Variants in MID1 observed in about 807,000 individuals in gnomAD.
The protein encoded by MID1 is E3 ubiquitin-protein ligase Midline-1.
MID1 carries 7 observed loss-of-function variants against 40.4 expected under a neutral mutation model. That is an observed-to-expected ratio of 0.17 (90% CI 0.10 to 0.33). MID1 has a LOEUF of 0.33. Among genes scored for constraint, MID1 ranks in the 10% least tolerant of loss-of-function variants. The pLI is 1.00. For missense variants in MID1, 367 were observed against 558.5 expected (o/e 0.66, Z 3.46); for synonymous variants, 229 against 221.2 (o/e 1.04, Z -0.31).
intron 2 of MID1, among the ~76,000 whole-genome samples, chrX:10,565,002 T>G (rs1196272513): frequency 2.6e-5 from 2 of 77,917 alleles, no homozygotes; most frequent in East Asian, 4.0e-4. Flanking sequence ...AAAAAAGGGG[T>G]AAAAAAAAAA....
chrX:10,566,497 T>TTCTCTCTCTCTCTC (rs1281393445), intron 2 of MID1, among the ~76,000 whole-genome samples: 5 of 72,082 alleles, frequency 6.9e-5, no homozygotes, highest in African/African-American at 2.5e-4. Flanking sequence ...TTATCTGTCA[T>TTCTCTCTCTCTCTC]TCTCTCTCTC....
At chrX:10,500,786 T>C (rs755991902) in intron 3 of MID1, among the ~76,000 whole-genome samples, 12 of 112,359 alleles carry the variant, frequency 1.1e-4, no homozygotes, top group African/African-American at 3.6e-4. Flanking sequence ...GAAATCATTG[T>C]GGCTGATGGA....
At chrX:10,717,648 G>T (rs1328382732) in intron 1 of MID1, among the ~76,000 whole-genome samples, 229 of 109,552 alleles carry the variant, frequency 2.1e-3, no homozygotes, top group Non-Finnish European at 3.1e-3. Flanking sequence ...GAGACAGAAA[G>T]TTAACAAGGA....
chrX:10,620,995 C>T (rs918105309), upstream of MID1, among the ~76,000 whole-genome samples: 5 of 111,829 alleles, frequency 4.5e-5, no homozygotes, highest in East Asian at 1.4e-3. Flanking sequence ...TGAGTAACAC[C>T]TTAACTAAAA....
At chrX:10,651,428 G>T (rs1048405054) in intron 1 of MID1, among the ~76,000 whole-genome samples, 1 of 112,048 alleles carries the variant, frequency 8.9e-6, no homozygotes, top group Non-Finnish European at 1.9e-5. Flanking sequence ...TTGAGCTAAG[G>T]TGTTTCTTGC....
At chrX:10,559,830 CAT>C (rs1347071145) in intron 2 of MID1, among the ~76,000 whole-genome samples, 1 of 110,092 alleles carries the variant, frequency 9.1e-6, no homozygotes, top group East Asian at 2.8e-4. Flanking sequence ...TAATTAAACA[CAT>C]ATTAATTTTT....
intron 1 of MID1, among the ~76,000 whole-genome samples, chrX:10,818,779 C>T (rs2044155531): frequency 8.9e-6 from 1 of 112,229 alleles, no homozygotes; most frequent in Non-Finnish European, 1.9e-5. Flanking sequence ...CAGAATACTA[C>T]ACATACTTCT....
intron 1 of MID1, among the ~76,000 whole-genome samples, chrX:10,665,970 C>A (rs2042947583): frequency 9.1e-6 from 1 of 109,474 alleles, no homozygotes; most frequent in Non-Finnish European, 1.9e-5. Context: ...TGGGATGTTT[C>A]TCTTATTCCA....
intron 5 of MID1, chrX:10,475,340 G>T (rs942636840): frequency 7.1e-6 from 2 of 280,268 alleles, no homozygotes; most frequent in South Asian, 3.4e-5. Context: ...TCATTTTCTT[G>T]CACCATATTC....
chrX:10,755,212 CAT>C (rs2043625212), intron 1 of MID1, among the ~76,000 whole-genome samples: 2 of 111,950 alleles, frequency 1.8e-5, no homozygotes, highest in Non-Finnish European at 3.8e-5. Context: ...CCTGTTAAGA[CAT>C]AGAGAAGTAA....
At chrX:10,736,435 AT>A (rs1048384922) in intron 1 of MID1, among the ~76,000 whole-genome samples, 4 of 111,735 alleles carry the variant, frequency 3.6e-5, no homozygotes, top group African/African-American at 1.3e-4. Context: ...CATATGCCAT[AT>A]TTTTTTGTTG....
intron 1 of MID1, among the ~76,000 whole-genome samples, chrX:10,641,581 A>G (rs1271261131): frequency 5.4e-5 from 6 of 112,077 alleles, no homozygotes; most frequent in Non-Finnish European, 9.4e-5. Flanking sequence ...AAATTCTACC[A>G]GAGGTACAAA....
chrX:10,645,112 G>C (rs1234603831), intron 1 of MID1, among the ~76,000 whole-genome samples: 1 of 111,655 alleles, frequency 9.0e-6, no homozygotes, highest in Non-Finnish European at 1.9e-5. Context: ...GGGTCAGGAG[G>C]GCTCTCTTCA....
chrX:10,797,924 T>C (rs1249785455), intron 1 of MID1, among the ~76,000 whole-genome samples: 4 of 112,102 alleles, frequency 3.6e-5, no homozygotes, highest in African/African-American at 1.3e-4. Flanking sequence ...TTATTATCTC[T>C]GTTATTTAAA....
At chrX:10,522,495 T>G (rs1218897919) in intron 3 of MID1, among the ~76,000 whole-genome samples, 1 of 112,319 alleles carries the variant, frequency 8.9e-6, no homozygotes, top group Non-Finnish European at 1.9e-5. Context: ...CATAGTACAC[T>G]AATACAATAC....
intron 2 of MID1, among the ~76,000 whole-genome samples, chrX:10,552,831 C>T (rs911598877): frequency 8.9e-6 from 1 of 111,788 alleles, no homozygotes; most frequent in Non-Finnish European, 1.9e-5. Context: ...GAATTATTAC[C>T]TCTGTTTTAC....
intron 1 of MID1, among the ~76,000 whole-genome samples, chrX:10,804,062 A>G (rs1442402685): frequency 4.5e-5 from 5 of 111,744 alleles, no homozygotes; most frequent in African/African-American, 6.5e-5. Context: ...GGATGAACCC[A>G]TCAAAGACAT....
At chrX:10,533,061 C>T (rs145228298) in intron 2 of MID1, among the ~76,000 whole-genome samples, 5,634 of 109,972 alleles carry the variant, frequency 0.051, 134 homozygotes, top group Middle Eastern at 0.11. Context: ...TGTGAGCCAC[C>T]GTGCCCGCCC....
At chrX:10,614,564 A>AAG (rs1935809078) in intron 1 of MID1, among the ~76,000 whole-genome samples, 1 of 111,808 alleles carries the variant, frequency 8.9e-6, no homozygotes, top group Admixed American at 9.5e-5. Context: ...GCTCACCCAT[A>AAG]TTACTTCTTT....
Sources: gnomAD v4.1 joint callset for allele counts (sites outside exome capture counted in the v4.1 genomes callset) on GRCh38, gnomAD v4.1.1 for gene constraint, MANE v1.5 for transcripts, NCBI Gene and HGNC (gene_info 2026-07-23, HGNC 2026-07-21) for gene names.